Variants in PTPRF observed in about 807,000 individuals in gnomAD.
PTPRF encodes protein tyrosine phosphatase receptor type F, also known as receptor-type tyrosine-protein phosphatase F.
PTPRF carries 59 observed loss-of-function variants against 201.8 expected under a neutral mutation model. The observed-to-expected ratio is 0.29, with a 90% CI of 0.24 to 0.36. The LOEUF (loss-of-function observed/expected upper bound fraction) is 0.36, where lower values mean the gene tolerates loss of function less well. Among genes scored for constraint, PTPRF ranks in the 10% least tolerant of loss-of-function variants. PTPRF has a pLI of 1.00. For missense variants in PTPRF, 2,132 were observed against 2,690.5 expected, an observed-to-expected ratio of 0.79 and a Z score of 4.59; for synonymous variants, 1,088 against 1,089.7, an observed-to-expected ratio of 1.00 and a Z score of 0.03.
chr1:43,620,432 G>A (rs1330960595), intron 30 of PTPRF, 22 bp from the exon 31 acceptor site: 4 of 1,600,166 alleles, frequency 2.5e-6, no homozygotes, highest in Middle Eastern at 1.7e-4. Flanking sequence ...CTGATTATGG[G>A]GGCCCGACCC....
chr1:43,619,584 G>A lies in PTPRF; in HGVS notation c.4932+11G>A. ...GAGCTCGAGTTCAAGGTGGGGCTCGGGTGGGCCTGCTTGGCTCCAGGGCCT... is the reference window on the plus strand; with the variant it reads ...GAGCTCGAGTTCAAGGTGGGGCTCGAGTGGGCCTGCTTGGCTCCAGGGCCT... On this transcript the variant is annotated intron_variant, in intron 28 of 33. Coordinates refer to ENST00000359947, the MANE Select transcript of PTPRF (RefSeq NM_002840.5). The A allele has an allele frequency of 6.2e-7, 1 of 1,611,164 alleles. No homozygotes were observed. The highest frequency in any genetic ancestry group is 1.3e-5 in the African/African-American group (1 of 74,998).
Position 43,603,992 on chromosome 1 carries a change from G to T in PTPRF, c.2840G>T (p.Arg947Leu), listed in dbSNP as rs749309238. 8 of 1,614,174 alleles carry T rather than the reference G, an allele frequency of 5.0e-6. No individual in the cohort carries two copies. Among genetic ancestry groups the T allele is most frequent in the Non-Finnish European group, 6.8e-6 (8 of 1,180,038 alleles). ...DPPVLAERNGRIISYTVVFRD... is the reference protein window; with the variant it reads ...DPPVLAERNGLIISYTVVFRD... ...CCAGTGCTGGCGGAGAGGAACGGGC[G>T]CATCATCAGCTACACCGTGGTGTTC... Residue 947 changes from arginine (R) to leucine (L), a missense_variant, in exon 16 of 34, where the codon CGC becomes CTC. By Grantham distance (102) the Arg-to-Leu change is moderately radical (BLOSUM62 -2). Around this residue, in one of 6 missense-constraint regions of PTPRF, gnomAD observed 818 missense variants for 915.3 expected, o/e 0.89. Transcript: ENST00000359947. The surrounding 1 kb of genome is among the most constrained non-coding windows in gnomAD (Gnocchi z 5.8).
chr1:43,619,278 T>A lies in PTPRF; in HGVS notation c.4647-10T>A. 1 of 1,612,492 alleles carries A rather than the reference T, an allele frequency of 6.2e-7. No individual in the cohort carries two copies. Among genetic ancestry groups the A allele is most frequent in the Non-Finnish European group, 8.5e-7 (1 of 1,179,484 alleles). On this transcript the variant is annotated splice_polypyrimidine_tract_variant and intron_variant, in intron 27 of 33. Transcript: ENST00000359947. ...GCGCCTGTGCCTCAAGCTGAGCCCGTGTCCTGCAGCGCGGGCGTGGGCCGC... is the reference window on the plus strand; with the variant it reads ...GCGCCTGTGCCTCAAGCTGAGCCCGAGTCCTGCAGCGCGGGCGTGGGCCGC...
At chr1:43,534,811 G>A (rs1367680494) in intron 1 of PTPRF, among the ~76,000 whole-genome samples, 3 of 152,160 alleles carry the variant, frequency 2.0e-5, no homozygotes, top group Non-Finnish European at 2.9e-5. Context: ...TGAAGAGCTC[G>A]AGTTTTATAC....
intron 6 of PTPRF, among the ~76,000 whole-genome samples, chr1:43,575,653 C>T (rs1646873972): frequency 6.6e-6 from 1 of 151,894 alleles, no homozygotes; most frequent in Non-Finnish European, 1.5e-5. Flanking sequence ...ATTCTCGTCA[C>T]CCCCAGCCCC....
intron 11 of PTPRF, among the ~76,000 whole-genome samples, chr1:43,595,085 TGG>T (rs1188430630): frequency 6.6e-6 from 1 of 152,144 alleles, no homozygotes; most frequent in African/African-American, 2.4e-5. Flanking sequence ...GAGGCCTGTG[TGG>T]GTGCTGAGAA....
Position 43,591,572 on chromosome 1 carries a change from G to A in PTPRF, c.1531+19G>A, listed in dbSNP as rs774655410. 67 of 1,540,678 alleles carry A rather than the reference G, an allele frequency of 4.3e-5. No individual in the cohort carries two copies. Among genetic ancestry groups the A allele is most frequent in the Non-Finnish European group, 5.3e-6 (6 of 1,139,700 alleles). ...CAGGGAGGTAGGTGGGGGCATGCCGGCTGGGCAGCCAACAGCAGAGAAGGG... is the reference window on the plus strand; with the variant it reads ...CAGGGAGGTAGGTGGGGGCATGCCGACTGGGCAGCCAACAGCAGAGAAGGG... On this transcript the variant is annotated intron_variant, in intron 9 of 33. Transcript: ENST00000359947.
At chr1:43,526,707 G>A (rs1051409155), upstream of PTPRF, among the ~76,000 whole-genome samples, 15 of 152,206 alleles carry the variant, frequency 9.9e-5, no homozygotes, top group African/African-American at 3.6e-4. Flanking sequence ...ACTAAGGGCT[G>A]CAACTGCGGG....
At position 43,550,798 on chromosome 1, in the gene PTPRF, G is replaced by A. The variant is rs115218831; in HGVS notation, c.92-2694G>A. Reference sequence around the variant, plus strand: ...ACCCGGGAGTTTCAAACTAGGAACTGAGCTCATAGGTTGGGGGCAGGGGGA... The same window carrying A: ...ACCCGGGAGTTTCAAACTAGGAACTAAGCTCATAGGTTGGGGGCAGGGGGA... On this transcript the variant is annotated intron_variant, in intron 3 of 33. Transcript: ENST00000359947. 2.7e-3 allele frequency among the ~76,000 whole-genome samples: 406 copies of A among 152,326 alleles called. 2 individuals are homozygous for A. Among genetic ancestry groups the A allele is most frequent in the Non-Finnish European group, 2.7e-3 (183 of 68,026 alleles).
intron 6 of PTPRF, among the ~76,000 whole-genome samples, chr1:43,577,939 C>A (rs1647037656): frequency 6.6e-6 from 1 of 152,130 alleles, no homozygotes; most frequent in Non-Finnish European, 1.5e-5. Flanking sequence ...ATTGGTGGGG[C>A]CAGGGGACGG....
chr1:43,605,095 G>A, intron 17 of PTPRF, 95 bp downstream of exon 17: 14 of 1,576,204 alleles, frequency 8.9e-6, no homozygotes, highest in Non-Finnish European at 1.1e-5. Flanking sequence ...CGGCTGTGGA[G>A]CAGGAATGTG....
chr1:43,597,499 G>T (rs1246708891), intron 11 of PTPRF, among the ~76,000 whole-genome samples: 1 of 152,126 alleles, frequency 6.6e-6, no homozygotes, highest in Non-Finnish European at 1.5e-5. Context: ...GTCAGTGTGT[G>T]TGATAACTGT....
At chr1:43,551,722 G>A (rs1454095077) in intron 3 of PTPRF, among the ~76,000 whole-genome samples, 1 of 152,184 alleles carries the variant, frequency 6.6e-6, no homozygotes, top group Non-Finnish European at 1.5e-5. Flanking sequence ...TACCTTATGG[G>A]ATTGCGGTAA....
At chr1:43,539,877 TGTG>T (rs1428983361) in intron 2 of PTPRF, among the ~76,000 whole-genome samples, 5 of 151,990 alleles carry the variant, frequency 3.3e-5, no homozygotes, top group Non-Finnish European at 5.9e-5. Context: ...GTAGGGCTGA[TGTG>T]GGGGTACAGG....
At chr1:43,610,936 T>C (rs1656288133) in intron 22 of PTPRF, among the ~76,000 whole-genome samples, 1 of 152,246 alleles carries the variant, frequency 6.6e-6, no homozygotes, top group African/African-American at 2.4e-5. Flanking sequence ...CTACCTATGG[T>C]TGCTTTTGCA....
intron 14 of PTPRF, 100 bp downstream of exon 14, chr1:43,602,197 A>T: frequency 1.4e-6 from 2 of 1,412,148 alleles, no homozygotes; most frequent in Non-Finnish European, 2.0e-6. Context: ...CACTGCCAAG[A>T]TCCACAGGGC....
chr1:43,553,493 C>G lies in PTPRF; in HGVS notation c.93C>G (p.Ser31Arg), dbSNP rs763748777. 12 of 1,613,622 alleles carry G rather than the reference C, an allele frequency of 7.4e-6. No individual in the cohort carries two copies. In the East Asian group the frequency reaches 8.9e-5, roughly 12 times the overall value. Residue 31 changes from serine to arginine, a missense_variant and splice_region_variant, in exon 4 of 34, where the codon AGC (serine) becomes AGG (arginine). By Grantham distance (110) the Ser-to-Arg change is moderately radical (BLOSUM62 -1). This residue lies in a region of PTPRF where 297 missense variants were observed against 454.0 expected (regional missense o/e 0.65). Transcript: ENST00000359947. The surrounding 1 kb of genome is among the most constrained non-coding windows in gnomAD (Gnocchi z 4.1). ...ACTTGGTGTCTCCATCTCTTCCAGGCAAACCTGTCTTCATTAAAGTCCCTG... is the reference window on the plus strand; with the variant it reads ...ACTTGGTGTCTCCATCTCTTCCAGGGAAACCTGTCTTCATTAAAGTCCCTG... ...LGLVAGAHGD[S>R]KPVFIKVPED...
At chr1:43,534,101 T>C (rs191415633) in intron 1 of PTPRF, among the ~76,000 whole-genome samples, 3 of 151,986 alleles carry the variant, frequency 2.0e-5, no homozygotes, top group African/African-American at 7.2e-5. Flanking sequence ...TTTGGAGGGA[T>C]GAGTAGGAGT....
Position 43,591,956 on chromosome 1 carries a change from G to A in PTPRF, c.1668+8G>A, listed in dbSNP as rs938739652. Reference sequence around the variant, plus strand: ...GAGGACGAAGACCAACAGGTGTGCAGCGGGCAGAGAAGCACTGAGGGGGTC... The same window carrying A: ...GAGGACGAAGACCAACAGGTGTGCAACGGGCAGAGAAGCACTGAGGGGGTC... On this transcript the variant is annotated splice_region_variant and intron_variant, in intron 10 of 33. Transcript: ENST00000359947. The A allele has an allele frequency of 6.2e-6, 10 of 1,613,380 alleles. No homozygotes were observed. Among genetic ancestry groups the A allele is most frequent in the Admixed American group, 1.7e-5 (1 of 59,994 alleles).
Sources: gnomAD v4.1 joint callset for allele counts (sites outside exome capture counted in the v4.1 genomes callset) on GRCh38, gnomAD v4.1.1 for gene constraint, gnomAD v4.1.1 regional missense constraint, Gnocchi (gnomAD v3.1) non-coding constraint, MANE v1.5 for transcripts, NCBI Gene and HGNC (gene_info 2026-07-23, HGNC 2026-07-21) for gene names.